Variants in MARCHF1 observed in about 807,000 individuals in gnomAD.
The protein encoded by MARCHF1 is E3 ubiquitin-protein ligase MARCHF1.
Under a neutral mutation model 54.2 loss-of-function variants are expected in MARCHF1, and 40 were observed. That is an observed-to-expected ratio of 0.74 (90% CI 0.57 to 0.96). The LOEUF (loss-of-function observed/expected upper bound fraction) is 0.96. MARCHF1 is among the 40% of genes least tolerant of loss of function. The pLI, the probability that MARCHF1 is intolerant of heterozygous loss-of-function variation, is 0.00. For missense variants in MARCHF1, 586 were observed against 656.5 expected, an observed-to-expected ratio of 0.89 and a Z score of 1.17; for synonymous variants, 236 against 236.3, an observed-to-expected ratio of 1.00 and a Z score of 0.01.
intron 1 of MARCHF1, among the ~76,000 whole-genome samples, chr4:164,201,756 A>T (rs1731460293): frequency 6.6e-6 from 1 of 152,182 alleles, no homozygotes; most frequent in African/African-American, 2.4e-5. Context: ...AAGAATAGGG[A>T]AGGAACAAAT....
At chr4:163,811,549 G>C (rs915730591) in intron 4 of MARCHF1, among the ~76,000 whole-genome samples, 4 of 152,024 alleles carry the variant, frequency 2.6e-5, no homozygotes, top group Admixed American at 6.6e-5. Context: ...CCAAAATAGA[G>C]AAACGGAGAG....
chr4:163,562,624 T>A (rs1215749183), intron 8 of MARCHF1, among the ~76,000 whole-genome samples: 1 of 152,072 alleles, frequency 6.6e-6, no homozygotes, highest in African/African-American at 2.4e-5. Flanking sequence ...TCTTCCTGAC[T>A]CCTCTGAGCC....
At chr4:164,280,249 T>C (rs1474640775) in intron 1 of MARCHF1, among the ~76,000 whole-genome samples, 1 of 151,970 alleles carries the variant, frequency 6.6e-6, no homozygotes, top group Non-Finnish European at 1.5e-5. Context: ...AGATCTTTCC[T>C]CAAAGTCGTG....
chr4:163,900,722 T>C (rs1471114469), intron 3 of MARCHF1, among the ~76,000 whole-genome samples: 4 of 152,170 alleles, frequency 2.6e-5, no homozygotes, highest in Non-Finnish European at 4.4e-5. Flanking sequence ...TTGTCTTTAA[T>C]TCAGTTTGGT....
In MARCHF1 at chr4:163,728,806, T is replaced by C. The variant is rs898934646; in HGVS notation, c.112-27943A>G. ...AATTTTGTTTCCTTTTCTTGTCTTA[T>C]TGCATTAGCTAGGGCTTTCAGTATA... On this transcript the variant is annotated intron_variant, in intron 4 of 9. Coordinates refer to ENST00000514618, the MANE Select transcript of MARCHF1 (RefSeq NM_001394959.1). Among the ~76,000 whole-genome samples the C allele has an allele frequency of 3.9e-5, 6 of 152,324 alleles. No individual in the cohort carries two copies. The South Asian group carries it at 6.2e-4, about 16-fold the overall frequency.
intron 3 of MARCHF1, among the ~76,000 whole-genome samples, chr4:163,921,883 G>T (rs1176049176): frequency 1.3e-5 from 2 of 152,020 alleles, no homozygotes; most frequent in East Asian, 3.9e-4. Flanking sequence ...ATACCCAAAG[G>T]ATTATAAATC....
At chr4:164,355,279 G>A (rs1282926155) in intron 1 of MARCHF1, among the ~76,000 whole-genome samples, 1 of 68,332 alleles carries the variant, frequency 1.5e-5, no homozygotes, top group African/African-American at 5.0e-5. Context: ...AAGTTCATAT[G>A]GAACCAAAAA....
intron 7 of MARCHF1, among the ~76,000 whole-genome samples, chr4:163,591,013 AAAGT>A (rs1221490394): frequency 6.6e-6 from 1 of 151,816 alleles, no homozygotes; most frequent in Non-Finnish European, 1.5e-5. Context: ...AGGAAGAATT[AAAGT>A]AAGTGATCAA....
chr4:163,866,591 C>T (rs1304340091), intron 3 of MARCHF1, among the ~76,000 whole-genome samples: 3 of 149,824 alleles, frequency 2.0e-5, no homozygotes, highest in Admixed American at 6.7e-5. Context: ...TCTAGGTAAC[C>T]GTTTACCCAG....
chr4:163,903,277 T>C (rs1750980374), intron 3 of MARCHF1, among the ~76,000 whole-genome samples: 1 of 152,234 alleles, frequency 6.6e-6, no homozygotes, highest in East Asian at 1.9e-4. Context: ...TTTGTATGTA[T>C]ACACTGGCTG....
At chr4:164,118,918 C>G (rs573887318) in intron 1 of MARCHF1, among the ~76,000 whole-genome samples, 1 of 147,108 alleles carries the variant, frequency 6.8e-6, no homozygotes, top group East Asian at 2.0e-4. Context: ...AAATTACAAA[C>G]TCAAGTAGAT....
At chr4:163,879,649 C>T (rs908386820) in intron 3 of MARCHF1, among the ~76,000 whole-genome samples, 3 of 152,020 alleles carry the variant, frequency 2.0e-5, no homozygotes, top group Non-Finnish European at 4.4e-5. Context: ...TATCAAACTG[C>T]AAACGATAAT....
chr4:163,666,617 T>C (rs766658315), intron 5 of MARCHF1, among the ~76,000 whole-genome samples: 16 of 152,170 alleles, frequency 1.1e-4, no homozygotes, highest in Non-Finnish European at 2.4e-4. Context: ...AATGAATGGA[T>C]AGAACATTTA....
intron 5 of MARCHF1, among the ~76,000 whole-genome samples, chr4:163,661,923 C>G (rs138127513): frequency 1.2e-4 from 18 of 152,114 alleles, no homozygotes; most frequent in African/African-American, 3.1e-4. Flanking sequence ...TCATGCCATT[C>G]AATTGATGGT....
chr4:164,193,668 T>C (rs767056753), intron 1 of MARCHF1, among the ~76,000 whole-genome samples: 7 of 152,164 alleles, frequency 4.6e-5, no homozygotes, highest in African/African-American at 7.2e-5. Flanking sequence ...CTGCTCATTA[T>C]TTCATCTTCA....
At chr4:163,547,094 A>T (rs1738937219) in intron 8 of MARCHF1, among the ~76,000 whole-genome samples, 1 of 152,170 alleles carries the variant, frequency 6.6e-6, no homozygotes, top group Non-Finnish European at 1.5e-5. Context: ...TGACCATCCC[A>T]CATGTGGATT....
At chr4:164,013,713 T>C (rs1753475660) in intron 2 of MARCHF1, among the ~76,000 whole-genome samples, 1 of 149,092 alleles carries the variant, frequency 6.7e-6, no homozygotes, top group Non-Finnish European at 1.5e-5. Flanking sequence ...CACAAGGAAG[T>C]GAGATGACGA....
intron 1 of MARCHF1, among the ~76,000 whole-genome samples, chr4:164,192,650 A>T (rs1408774723): frequency 1.6e-4 from 24 of 152,230 alleles, no homozygotes. Context: ...CTCTTGAAGC[A>T]CCTGGGGCTA....
At chr4:164,132,971 T>C (rs1579560534) in intron 1 of MARCHF1, among the ~76,000 whole-genome samples, 1 of 152,310 alleles carries the variant, frequency 6.6e-6, no homozygotes. Flanking sequence ...GGGTTATTTT[T>C]CCTTTTGACG....
Sources: gnomAD v4.1 joint callset for allele counts (sites outside exome capture counted in the v4.1 genomes callset) on GRCh38, gnomAD v4.1.1 for gene constraint, MANE v1.5 for transcripts, NCBI Gene and HGNC (gene_info 2026-07-23, HGNC 2026-07-21) for gene names.